STK3: variants seen among roughly 807,000 people sequenced by gnomAD.
STK3 encodes serine/threonine-protein kinase 3.
A neutral mutation model predicts 58.0 loss-of-function variants in STK3; 41 were observed. The ratio of observed to expected loss-of-function variants is 0.71; its 90% confidence interval spans 0.55 to 0.92. STK3 has a LOEUF of 0.92. Ranked by LOEUF, STK3 falls within the 40% of genes least tolerant of loss-of-function variation. The probability of loss-of-function intolerance (pLI) is 0.00; values close to 1 mark genes in which losing one functional copy is unlikely to be tolerated. For missense variants in STK3, 479 were observed against 602.7 expected (o/e 0.79, Z 2.15); for synonymous variants, 170 against 191.0 (o/e 0.89, Z 0.91).
intron 10 of STK3, among the ~76,000 whole-genome samples, chr8:98,507,900 A>G (rs528301485): frequency 6.6e-6 from 1 of 152,256 alleles, no homozygotes; most frequent in South Asian, 2.1e-4. Context: ...AGCCTTCTCC[A>G]ACCATTCTAC....
At chr8:98,495,374 T>C (rs1401432402) in intron 10 of STK3, among the ~76,000 whole-genome samples, 1 of 152,186 alleles carries the variant, frequency 6.6e-6, no homozygotes, top group Non-Finnish European at 1.5e-5. Flanking sequence ...ACTTTTTTTT[T>C]TCCTGAAAGT....
intron 1 of STK3, among the ~76,000 whole-genome samples, chr8:98,822,581 T>TC (rs1834977417): frequency 6.6e-6 from 1 of 152,224 alleles, no homozygotes; most frequent in African/African-American, 2.4e-5. Flanking sequence ...TATCTCAGGC[T>TC]AGAAAGTACT....
chr8:98,833,498 G>A (rs1835620354), intron 3 of STK3, among the ~76,000 whole-genome samples: 1 of 152,182 alleles, frequency 6.6e-6, no homozygotes, highest in Non-Finnish European at 1.5e-5. Flanking sequence ...TCTAGAGAAA[G>A]TAAATTTTTC....
chr8:98,933,686 T>C (rs563710038), intron 1 of STK3, among the ~76,000 whole-genome samples: 1 of 152,244 alleles, frequency 6.6e-6, no homozygotes, highest in African/African-American at 2.4e-5. Context: ...TCCCCATATA[T>C]TGGCATCAAC....
At chr8:98,495,388 T>C (rs2131338999) in intron 10 of STK3, among the ~76,000 whole-genome samples, 1 of 152,258 alleles carries the variant, frequency 6.6e-6, no homozygotes. Context: ...TGAAAGTCTG[T>C]GAATACTTAA....
chr8:98,902,473 T>C (rs1236902811), intron 1 of STK3, among the ~76,000 whole-genome samples: 2 of 152,224 alleles, frequency 1.3e-5, no homozygotes, highest in African/African-American at 4.8e-5. Flanking sequence ...GATTCCTATC[T>C]GCTCAGTAGT....
chr8:98,739,027 C>T (rs1212542368), intron 4 of STK3, among the ~76,000 whole-genome samples: 4 of 152,188 alleles, frequency 2.6e-5, no homozygotes, highest in South Asian at 2.1e-4. Flanking sequence ...AAGGCAGCGG[C>T]GAGGCTGGGG....
chr8:98,674,414 G>C (rs1318368058), intron 6 of STK3, among the ~76,000 whole-genome samples: 1 of 152,030 alleles, frequency 6.6e-6, no homozygotes, highest in Non-Finnish European at 1.5e-5. Context: ...TTCATAATGG[G>C]ATACAAAAAT....
At chr8:98,615,457 T>A (rs1239163184) in intron 6 of STK3, among the ~76,000 whole-genome samples, 1 of 151,378 alleles carries the variant, frequency 6.6e-6, no homozygotes, top group Non-Finnish European at 1.5e-5. Flanking sequence ...CAAAGCTGGA[T>A]GGAGAATGAC....
intron 7 of STK3, among the ~76,000 whole-genome samples, chr8:98,589,763 A>C (rs1586948522): frequency 6.6e-6 from 1 of 152,314 alleles, no homozygotes; most frequent in Admixed American, 6.5e-5. Flanking sequence ...CCGTGGGCAT[A>C]GGACCCTCTG....
chr8:98,463,548 A>C (rs891982297), intron 10 of STK3, among the ~76,000 whole-genome samples: 2 of 152,158 alleles, frequency 1.3e-5, no homozygotes, highest in Non-Finnish European at 2.9e-5. Context: ...AATTAGAATT[A>C]TTTCTGAACT....
At chr8:98,554,168 C>G (rs1811423033) in intron 8 of STK3, among the ~76,000 whole-genome samples, 1 of 152,046 alleles carries the variant, frequency 6.6e-6, no homozygotes, top group African/African-American at 2.4e-5. Flanking sequence ...TTTCTCAAGC[C>G]CCATTTAACT....
At chr8:98,753,536 T>C (rs1830108429) in intron 3 of STK3, among the ~76,000 whole-genome samples, 3 of 152,084 alleles carry the variant, frequency 2.0e-5, no homozygotes, top group African/African-American at 7.2e-5. Context: ...GCTTAATACC[T>C]GGGTGATAAA....
At chr8:98,406,199 T>C (rs1257430509) in intron 3 of STK3, among the ~76,000 whole-genome samples, 1 of 152,170 alleles carries the variant, frequency 6.6e-6, no homozygotes, top group African/African-American at 2.4e-5. Context: ...TAACTGAATA[T>C]AGGCTTACTT....
intron 4 of STK3, among the ~76,000 whole-genome samples, chr8:98,745,314 T>G (rs137985186): frequency 3.3e-5 from 5 of 152,196 alleles, no homozygotes; most frequent in Non-Finnish European, 7.3e-5. Context: ...GATTTGTCAG[T>G]GTCTTTCTTC....
At chr8:98,766,660 G>A (rs1416218984) in intron 3 of STK3, among the ~76,000 whole-genome samples, 2 of 152,136 alleles carry the variant, frequency 1.3e-5, no homozygotes, top group East Asian at 1.9e-4. Context: ...CTTTACCCTC[G>A]ATGCTCTGGC....
Position 98,895,020 on chromosome 8 carries a change from A to G in STK3, c.-78-11186T>C, listed in dbSNP as rs550069652. Among the ~76,000 whole-genome samples the G allele has an allele frequency of 4.6e-5, 7 of 152,292 alleles. No homozygotes were observed. The South Asian group carries it at 8.3e-4, about 18-fold the overall frequency. On this transcript the variant is annotated intron_variant, in intron 1 of 1. Transcript: ENST00000519420. ...ATTTTAAATAACTAACTATGATGCAATGGGATAAATATAAATAATAGAAGT... is the reference window on the plus strand; with the variant it reads ...ATTTTAAATAACTAACTATGATGCAGTGGGATAAATATAAATAATAGAAGT...
intron 6 of STK3, among the ~76,000 whole-genome samples, chr8:98,626,758 T>C (rs6990647): frequency 0.019 from 2,838 of 152,324 alleles, 85 homozygotes; most frequent in African/African-American, 0.06. Context: ...CATGCAAGTC[T>C]GCATGGGGAA....
intron 1 of STK3, among the ~76,000 whole-genome samples, chr8:98,931,463 T>C (rs1002613792): frequency 6.6e-6 from 1 of 152,184 alleles, no homozygotes; most frequent in African/African-American, 2.4e-5. Context: ...TGCGCCAGCC[T>C]GATCCCTCAT....
Sources: allele counts gnomAD v4.1 joint callset (sites outside exome capture counted in the v4.1 genomes callset), GRCh38; gene constraint gnomAD v4.1.1; transcripts MANE v1.5; gene names NCBI Gene and HGNC (gene_info 2026-07-23, HGNC 2026-07-21).